Variants in PAPSS2 observed in about 807,000 individuals in gnomAD.
The protein encoded by PAPSS2 is 3'-phosphoadenosine 5'-phosphosulfate synthase 2.
A neutral mutation model predicts 66.5 loss-of-function variants in PAPSS2; 61 were observed. The observed-to-expected ratio is 0.92, with a 90% confidence interval of 0.75 to 1.14. PAPSS2 has a LOEUF of 1.14. PAPSS2 is among the 50% of genes most tolerant of loss of function. PAPSS2 has a pLI of 0.00. For synonymous variants in PAPSS2, 289 were observed against 287.5 expected (o/e 1.01, Z -0.05); for missense variants, 708 against 789.6 (o/e 0.90, Z 1.24).
intron 1 of PAPSS2, among the ~76,000 whole-genome samples, chr10:87,668,133 C>T (rs1458037306): frequency 1.3e-5 from 2 of 152,218 alleles, no homozygotes; most frequent in Admixed American, 6.5e-5. Context: ...TTCATGCCTT[C>T]CCAATTTCCA....
chr10:87,662,338 T>G (rs1243953513), intron 1 of PAPSS2, among the ~76,000 whole-genome samples: 2 of 152,154 alleles, frequency 1.3e-5, no homozygotes, highest in African/African-American at 4.8e-5. Context: ...TTCAGACCAC[T>G]CTAGGAAGAG....
intron 1 of PAPSS2, among the ~76,000 whole-genome samples, chr10:87,695,123 A>G (rs1853216118): frequency 7.0e-6 from 1 of 143,438 alleles, no homozygotes; most frequent in Admixed American, 7.2e-5. Flanking sequence ...ACAAAATACC[A>G]TACCCTGGTG....
chr10:87,681,845 G>GATTC (rs1853025625), intron 1 of PAPSS2, among the ~76,000 whole-genome samples: 1 of 152,180 alleles, frequency 6.6e-6, no homozygotes, highest in Admixed American at 6.5e-5. Flanking sequence ...AATGTTTTAA[G>GATTC]ATTCATTCAT....
Position 87,688,435 on chromosome 10 carries a change from C to T in PAPSS2, c.28-20761C>T, listed in dbSNP as rs1278977807. On this transcript the variant is annotated intron_variant, in intron 1 of 12. Transcript: ENST00000456849. ...AAACCCTGAAGAACTATGGAAATTT[C>T]TTTTTTATTTTATTTATTTATTTAT... Among the ~76,000 whole-genome samples the T allele has an allele frequency of 3.5e-5, 3 of 84,906 alleles. No homozygotes were observed. In the East Asian group the frequency reaches 9.6e-4, roughly 27 times the overall value. The allele number at this position is 84,906 out of a possible 152,430, so 55.7% of individuals were successfully genotyped here.
intron 9 of PAPSS2, among the ~76,000 whole-genome samples, chr10:87,736,363 G>A (rs7901518): frequency 0.028 from 4,158 of 148,658 alleles, 194 homozygotes; most frequent in African/African-American, 0.099. Context: ...CGCCTCCCAG[G>A]TTCAAGTGAT....
At chr10:87,741,572 T>G (rs1853870811) in intron 10 of PAPSS2, among the ~76,000 whole-genome samples, 2 of 152,122 alleles carry the variant, frequency 1.3e-5, no homozygotes, top group Admixed American at 1.3e-4. Flanking sequence ...TTTTTGTATT[T>G]TTAGTAGAGA....
chr10:87,741,304 G>A lies in PAPSS2; in HGVS notation c.1156G>A (p.Asp386Asn). Residue 386 changes from aspartate (D) to asparagine (N), a missense_variant, in exon 10 of 13, where the codon GAT becomes AAT. By Grantham distance (23) the Asp-to-Asn change is conservative. Transcript: ENST00000456849. Reference sequence around the variant, plus strand: ...GGTGCTGGAGAAAATAAGATGGAATGATGGGCTGGACCAATACCGTCTGAC... The same window carrying A: ...GGTGCTGGAGAAAATAAGATGGAATAATGGGCTGGACCAATACCGTCTGAC... ...LQVLEKIRWN[D>N]GLDQYRLTPL... 6.2e-7 allele frequency: 1 copy of A among 1,613,668 alleles called. No individual in the cohort carries two copies. Among genetic ancestry groups the A allele is most frequent in the Non-Finnish European group, 8.5e-7 (1 of 1,179,530 alleles).
intron 9 of PAPSS2, among the ~76,000 whole-genome samples, chr10:87,728,586 A>G (rs1244713966): frequency 6.6e-6 from 1 of 152,198 alleles, no homozygotes; most frequent in Non-Finnish European, 1.5e-5. Flanking sequence ...CTAAAAATAC[A>G]GATATTAGCT....
At chr10:87,673,223 A>AT (rs1413104623) in intron 1 of PAPSS2, among the ~76,000 whole-genome samples, 3 of 152,190 alleles carry the variant, frequency 2.0e-5, no homozygotes, top group Admixed American at 6.5e-5. Flanking sequence ...TTAAAACATT[A>AT]TTTTTTTAAA....
At chr10:87,660,623 G>A (rs1488900764) in intron 1 of PAPSS2, among the ~76,000 whole-genome samples, 1 of 152,050 alleles carries the variant, frequency 6.6e-6, no homozygotes, top group African/African-American at 2.4e-5. Flanking sequence ...GTAAGATGAG[G>A]GGACTGTGTT....
chr10:87,725,505 G>T (rs4934366), intron 8 of PAPSS2, among the ~76,000 whole-genome samples: 79,086 of 152,042 alleles, frequency 0.52, 21,788 homozygotes, highest in East Asian at 0.71. Context: ...CTCCTCTGTG[G>T]TTTTGGACAG....
At position 87,747,305 on chromosome 10, in the gene PAPSS2, GAAGAAACAGCACC is replaced by G. The variant is rs1853953770; in HGVS notation, c.*1336_*1348del. On this transcript the variant is annotated 3_prime_UTR_variant, in exon 13 of 13. Transcript: ENST00000456849. ...ATTCATTGTTGCCAAGGAATAAAGT[GAAGAAACAGCACC>G]TTTTAATATATAGGTCTCTCTGGAA... 6.6e-6 allele frequency: 1 copy of G among 152,110 alleles called. No homozygotes were observed. Among genetic ancestry groups the G allele is most frequent in the Admixed American group, 6.6e-5 (1 of 15,260 alleles). 9.4% of individuals were successfully genotyped at this position (152,110 alleles called of 1,614,324 possible).
At chr10:87,737,151 G>A (rs1012890756) in intron 9 of PAPSS2, among the ~76,000 whole-genome samples, 1 of 152,070 alleles carries the variant, frequency 6.6e-6, no homozygotes, top group South Asian at 2.1e-4. Flanking sequence ...CCCACCAAGG[G>A]TCTCCTTGCC....
intron 1 of PAPSS2, among the ~76,000 whole-genome samples, chr10:87,701,430 C>CTCTCTCTCTCTTTCTT (rs373318487): frequency 1.4e-5 from 1 of 73,278 alleles, no homozygotes; most frequent in Non-Finnish European, 2.3e-5. Flanking sequence ...CTCTCTCTCT[C>CTCTCTCTCTCTTTCTT]TCTTTCTTTC....
chr10:87,722,690 G>A (rs1564723982), intron 8 of PAPSS2, among the ~76,000 whole-genome samples: 4 of 152,180 alleles, frequency 2.6e-5, no homozygotes, highest in African/African-American at 9.7e-5. Context: ...TCAAGTCAGG[G>A]TTGAAAGTCA....
intron 11 of PAPSS2, 32 bp from the exon 12 acceptor site, chr10:87,744,970 T>A (rs753094546): frequency 8.8e-6 from 14 of 1,584,640 alleles, no homozygotes; most frequent in Non-Finnish European, 1.2e-5. Flanking sequence ...TGACCCACAA[T>A]GACCAGCATG....
chr10:87,711,969 G>T (rs1458494385), intron 2 of PAPSS2, among the ~76,000 whole-genome samples: 6 of 151,424 alleles, frequency 4.0e-5, no homozygotes, highest in Non-Finnish European at 2.9e-5. Flanking sequence ...TTTTTTTAGA[G>T]TGCTAGCCTT....
intron 1 of PAPSS2, among the ~76,000 whole-genome samples, chr10:87,700,566 G>T (rs919893454): frequency 6.6e-6 from 1 of 151,802 alleles, no homozygotes; most frequent in Non-Finnish European, 1.5e-5. Flanking sequence ...GCTGTGATGG[G>T]AGGATCGCTT....
intron 9 of PAPSS2, among the ~76,000 whole-genome samples, chr10:87,733,930 T>G (rs949147454): frequency 6.6e-6 from 1 of 151,692 alleles, no homozygotes; most frequent in African/African-American, 2.4e-5. Context: ...CATTCTTGCT[T>G]CTCTCTTCTC....
Sources: allele counts gnomAD v4.1 joint callset (sites outside exome capture counted in the v4.1 genomes callset), GRCh38; gene constraint gnomAD v4.1.1; transcripts MANE v1.5; gene names NCBI Gene and HGNC (gene_info 2026-07-23, HGNC 2026-07-21).